PKD1L1: variants seen among roughly 807,000 people sequenced by gnomAD.
PKD1L1 encodes polycystin-1-like protein 1.
Under a neutral mutation model 323.4 loss-of-function variants are expected in PKD1L1, and 236 were observed. The ratio of observed to expected loss-of-function variants is 0.73; its 90% CI spans 0.66 to 0.81. The LOEUF (loss-of-function observed/expected upper bound fraction) is 0.81, where lower values mean the gene tolerates loss of function less well. Ranked by LOEUF, PKD1L1 falls within the 40% of genes least tolerant of loss-of-function variation. The probability of loss-of-function intolerance (pLI) is 0.00; values close to 1 mark genes in which losing one functional copy is unlikely to be tolerated. For synonymous variants in PKD1L1, 1,344 were observed against 1,335.0 expected (o/e 1.01, Z -0.15); for missense variants, 3,320 against 3,508.0 (o/e 0.95, Z 1.35).
In PKD1L1 at chr7:47,858,741, G is replaced by A. The variant is rs1270651547; in HGVS notation, c.4294C>T (p.Gln1432Ter). 6.2e-7 allele frequency: 1 copy of A among 1,613,962 alleles called. No homozygotes were observed. Among genetic ancestry groups the A allele is most frequent in the East Asian group, 2.2e-5 (1 of 44,892 alleles). Residue 1432 changes from glutamine (Q) to a stop codon, truncating the protein, a stop_gained, in exon 27 of 57, where the codon CAA (glutamine) becomes TAA (stop). Coordinates refer to ENST00000289672, the MANE Select transcript of PKD1L1 (RefSeq NM_138295.5). LOFTEE classifies it high-confidence loss of function. ...TAGACTTCCTCCTTCGAGTTTTCTT[G>A]CTCAGAGACTTCCCAGACTCTGGAT... ...LISRVWEVSEQENSKEEVYRH... is the reference protein window; with the variant it reads ...LISRVWEVSE
At chr7:47,820,015 A>G (rs1785107366) in intron 46 of PKD1L1, among the ~76,000 whole-genome samples, 2 of 152,204 alleles carry the variant, frequency 1.3e-5, no homozygotes, top group Non-Finnish European at 2.9e-5. Flanking sequence ...ACACTGAATT[A>G]TTGTATTTAC....
At chr7:47,818,350 G>A (rs1785066989) in intron 46 of PKD1L1, among the ~76,000 whole-genome samples, 1 of 152,238 alleles carries the variant, frequency 6.6e-6, no homozygotes, top group South Asian at 2.1e-4. Context: ...AGCATCTGCT[G>A]TGGGAAGCAA....
Position 47,888,085 on chromosome 7 carries a change from A to C in PKD1L1, c.2741T>G (p.Leu914Arg). The C allele has an allele frequency of 6.2e-7, 1 of 1,614,056 alleles. No individual in the cohort carries two copies. The highest frequency in any genetic ancestry group is 1.1e-5 in the South Asian group (1 of 91,076). The change falls in exon 17 of 57, where the codon CTT (leucine) becomes CGT (arginine). Residue 914 changes from leucine to arginine, a missense_variant. Transcript: ENST00000289672. The part of the protein sequence containing the change: ...TFVNWNDELS[L>R]QAMCEDCSEI... ...ACTGCAGTCCTCACACATAGCTTGA[A>C]GAGAGAGTTCGTCATTCCAGTTGAC...
chr7:47,840,636 G>C lies in PKD1L1; in HGVS notation c.5446-69C>G, dbSNP rs533557034. Reference sequence around the variant, plus strand: ...CAGACACCATGCAATGCTGGGCAGGGCTTCCTCGCACTTTCTCCCAGCGTC... The same window carrying C: ...CAGACACCATGCAATGCTGGGCAGGCCTTCCTCGCACTTTCTCCCAGCGTC... On this transcript the variant is annotated intron_variant, in intron 34 of 56. Transcript: ENST00000289672. This position sits in a 1 kb window ranked among gnomAD's most constrained non-coding sequence, Gnocchi z 4.1. The C allele has an allele frequency of 9.8e-6, 12 of 1,224,044 alleles. No individual in the cohort carries two copies. The highest frequency in any genetic ancestry group is 1.2e-5 in the Non-Finnish European group (10 of 837,404). 75.8% of individuals were successfully genotyped at this position (1,224,044 alleles called of 1,614,324 possible).
chr7:47,957,724 G>A, the PKD1L1 span, among the ~76,000 whole-genome samples: 2 of 151,694 alleles, frequency 1.3e-5, no homozygotes, highest in Non-Finnish European at 2.9e-5. Flanking sequence ...GCAAACTCGC[G>A]AGCTCAAGCA....
chr7:47,950,142 C>T (rs1430607844), upstream of PKD1L1, among the ~76,000 whole-genome samples: 1 of 152,176 alleles, frequency 6.6e-6, no homozygotes, highest in Non-Finnish European at 1.5e-5. Context: ...CTTTCTGAAG[C>T]CCCTGTGATT....
upstream of PKD1L1, among the ~76,000 whole-genome samples, chr7:47,950,164 C>G (rs1273908652): frequency 6.6e-6 from 1 of 152,142 alleles, no homozygotes; most frequent in African/African-American, 2.4e-5. Context: ...GCTCTGACAC[C>G]TTCCTGTCAA....
chr7:47,897,276 T>C (rs939759812), intron 14 of PKD1L1, among the ~76,000 whole-genome samples: 2 of 152,190 alleles, frequency 1.3e-5, no homozygotes, highest in Non-Finnish European at 2.9e-5. Context: ...CCCCACAGCT[T>C]AAAAGAACAA....
chr7:47,851,154 G>A (rs758813838), intron 31 of PKD1L1, among the ~76,000 whole-genome samples: 6 of 152,230 alleles, frequency 3.9e-5, no homozygotes, highest in East Asian at 3.9e-4. Context: ...AATGTGATGC[G>A]CAGTTCTTGT....
At chr7:47,915,275 A>C (rs890333312) in intron 8 of PKD1L1, among the ~76,000 whole-genome samples, 157 bp downstream of exon 8, 1 of 152,206 alleles carries the variant, frequency 6.6e-6, no homozygotes, top group Non-Finnish European at 1.5e-5. Flanking sequence ...GAGTGGCTAT[A>C]AATTAACCTA....
Position 47,835,149 on chromosome 7 carries a change from A to T in PKD1L1, c.6038T>A (p.Leu2013His). 1 of 1,599,188 alleles carries T rather than the reference A, an allele frequency of 6.3e-7. No individual in the cohort carries two copies. Among genetic ancestry groups the T allele is most frequent in the Non-Finnish European group, 8.5e-7 (1 of 1,172,522 alleles). ...CGCAGGTACCTTGCTGAGCCTGAAG[A>T]GCAGGGACAAGAGCTGGGCCCCTGG... ...ASPGAQLLSL[L>H]FRLSKEAPGS... The change falls in exon 38 of 57, where the codon CTC becomes CAC. Residue 2013 changes from leucine to histidine, a missense_variant. Leu to His is a moderately conservative substitution (Grantham distance 99). Coordinates refer to ENST00000289672, the MANE Select transcript of PKD1L1 (RefSeq NM_138295.5).
rs1786655429 is a variant in PKD1L1 at position 47,885,194 on chromosome 7, G to A, written c.3205+492C>T. 2.0e-5 allele frequency among the ~76,000 whole-genome samples: 3 copies of A among 152,226 alleles called. No individual in the cohort carries two copies. In the South Asian group the frequency reaches 6.2e-4, roughly 32 times the overall value. On this transcript the variant is annotated intron_variant, in intron 18 of 56. Coordinates refer to ENST00000289672, the MANE Select transcript of PKD1L1 (RefSeq NM_138295.5). ...ACAGCTGAATTGACAAGAGCATGCAGAGCATGAGACCACCATAGCCCAAGA... is the reference window on the plus strand; with the variant it reads ...ACAGCTGAATTGACAAGAGCATGCAAAGCATGAGACCACCATAGCCCAAGA...
At chr7:47,929,857 T>TA (rs1250479734) in intron 6 of PKD1L1, among the ~76,000 whole-genome samples, 2 of 152,196 alleles carry the variant, frequency 1.3e-5, no homozygotes, top group Non-Finnish European at 2.9e-5. Context: ...CAGTAAAAGG[T>TA]AGAGTTTCTC....
chr7:47,937,742 A>G (rs1040111789), intron 3 of PKD1L1, among the ~76,000 whole-genome samples: 17 of 152,108 alleles, frequency 1.1e-4, no homozygotes, highest in African/African-American at 4.1e-4. Context: ...ATGGAGCCCA[A>G]GAGAGAACTC....
intron 7 of PKD1L1, among the ~76,000 whole-genome samples, chr7:47,926,528 G>T (rs1271511913): frequency 6.6e-6 from 1 of 152,070 alleles, no homozygotes; most frequent in Non-Finnish European, 1.5e-5. Flanking sequence ...TCAGACCATG[G>T]TCACTCATAT....
chr7:47,923,918 G>A (rs1231013609), intron 7 of PKD1L1, among the ~76,000 whole-genome samples: 1 of 151,908 alleles, frequency 6.6e-6, no homozygotes, highest in Non-Finnish European at 1.5e-5. Flanking sequence ...CACAGATGCT[G>A]GAGAGAATTT....
chr7:47,874,013 G>C lies in PKD1L1; in HGVS notation c.3785-3C>G. On this transcript the variant is annotated splice_polypyrimidine_tract_variant and splice_region_variant and intron_variant, in intron 23 of 56. Transcript: ENST00000289672. ...TGTGATTTCAGTGGAAACCATGACT[G>C]TGAGGGAACATGTCAGAAGAGGGTC... 1 of 1,588,004 alleles carries C rather than the reference G, an allele frequency of 6.3e-7. No individual in the cohort carries two copies. Among genetic ancestry groups the C allele is most frequent in the Non-Finnish European group, 8.6e-7 (1 of 1,157,462 alleles).
chr7:47,957,689 T>C, the PKD1L1 span, among the ~76,000 whole-genome samples: 28 of 151,722 alleles, frequency 1.8e-4, no homozygotes, highest in African/African-American at 6.3e-4. Context: ...AGAGAAAGGG[T>C]TTTGCCATGT....
chr7:47,792,556 T>A (rs1322427731), intron 56 of PKD1L1, 71 bp downstream of exon 56: 3 of 1,444,936 alleles, frequency 2.1e-6, no homozygotes, highest in Non-Finnish European at 1.9e-6. Context: ...GAAAAACAAC[T>A]ATTCCAAAAC....
Sources: allele counts gnomAD v4.1 joint callset (sites outside exome capture counted in the v4.1 genomes callset), GRCh38; gene constraint gnomAD v4.1.1; non-coding constraint Gnocchi (gnomAD v3.1); transcripts MANE v1.5; gene names NCBI Gene and HGNC (gene_info 2026-07-23, HGNC 2026-07-21).